The following SLC35H1 variants were observed in gnomAD, a reference collection of about 807,000 sequenced individuals.
SLC35H1 encodes the protein ovarian cancer-overexpressed gene 1 protein.
chr20:46,360,281 G>T, the SLC35H1 span, among the ~76,000 whole-genome samples: 1 of 152,056 alleles, frequency 6.6e-6, no homozygotes, highest in Non-Finnish European at 1.5e-5. Flanking sequence ...GGTCAAAATT[G>T]GTCTCAAAAT....
the SLC35H1 span, among the ~76,000 whole-genome samples, chr20:46,360,614 G>A: frequency 2.0e-5 from 3 of 151,864 alleles, no homozygotes; most frequent in South Asian, 2.1e-4. Context: ...GTATAATCTC[G>A]GCTCACCACA....
chr20:46,352,078 G>A, the SLC35H1 span: 2 of 1,614,078 alleles, frequency 1.2e-6, no homozygotes, highest in Non-Finnish European at 8.5e-7. Flanking sequence ...TGGAGAGAGT[G>A]AGGCTGGAGG....
chr20:46,358,420 G>T, the SLC35H1 span: 2 of 1,614,150 alleles, frequency 1.2e-6, no homozygotes, highest in Admixed American at 1.7e-5. Flanking sequence ...AGGTGATGCC[G>T]ATGGAGAAGC....
chr20:46,352,420 G>T, the SLC35H1 span: 1 of 589,676 alleles, frequency 1.7e-6, no homozygotes. Context: ...GGGAAACCAG[G>T]GAAGCAGTGA....
At chr20:46,352,094 G>T in the SLC35H1 span, 2 of 1,614,224 alleles carry the variant, frequency 1.2e-6, no homozygotes, top group Non-Finnish European at 1.7e-6. Flanking sequence ...GGAGGTTCTG[G>T]AGACCAGGAG....
At chr20:46,362,928 G>A in the SLC35H1 span, among the ~76,000 whole-genome samples, 4 of 152,278 alleles carry the variant, frequency 2.6e-5, no homozygotes, top group South Asian at 2.1e-4. Context: ...CACCATGCCC[G>A]GCTAATTTTG....
chr20:46,351,556 G>A, the SLC35H1 span, among the ~76,000 whole-genome samples: 1 of 152,332 alleles, frequency 6.6e-6, no homozygotes, highest in East Asian at 1.9e-4. Context: ...ACAGGCCTGC[G>A]AGGCAGAGGT....
chr20:46,356,147 G>A, the SLC35H1 span, among the ~76,000 whole-genome samples: 2 of 152,346 alleles, frequency 1.3e-5, no homozygotes, highest in South Asian at 2.1e-4. Context: ...GGAAGGATGA[G>A]AAGTAGGAGG....
the SLC35H1 span, among the ~76,000 whole-genome samples, chr20:46,361,891 T>C: frequency 0.017 from 2,644 of 152,308 alleles, 67 homozygotes; most frequent in African/African-American, 0.06. Context: ...TTCACTCTTC[T>C]GTTAACCAAC....
chr20:46,357,526 G>A, the SLC35H1 span: 1 of 1,401,870 alleles, frequency 7.1e-7, no homozygotes. Flanking sequence ...AGAGGGGAGG[G>A]ACTTGGCTTC....
chr20:46,362,795 T>G, the SLC35H1 span, among the ~76,000 whole-genome samples: 1 of 152,164 alleles, frequency 6.6e-6, no homozygotes, highest in Non-Finnish European at 1.5e-5. Context: ...GTTGTTGTTT[T>G]GAGATGGAGT....
At chr20:46,351,975 G>T in the SLC35H1 span, 2 of 1,473,942 alleles carry the variant, frequency 1.4e-6, no homozygotes, top group East Asian at 4.7e-5. Context: ...GCAGGAGCTG[G>T]GACTGAAGCT....
At chr20:46,358,499 C>A in the SLC35H1 span, 6 of 1,614,078 alleles carry the variant, frequency 3.7e-6, no homozygotes, top group Non-Finnish European at 5.1e-6. Context: ...GAGGGCCCAC[C>A]TCCCCATTCG....
chr20:46,358,929 C>A, the SLC35H1 span: 1 of 626,172 alleles, frequency 1.6e-6, no homozygotes, highest in Non-Finnish European at 2.9e-6. Context: ...TCACCTCAAG[C>A]TATTCTCCAT....
chr20:46,357,518 AG>A, the SLC35H1 span: 1 of 1,332,876 alleles, frequency 7.5e-7, no homozygotes. Flanking sequence ...GTGCAGGAAG[AG>A]GGGAGGGACT....
At chr20:46,358,260 CA>C in the SLC35H1 span, 1 of 902,542 alleles carries the variant, frequency 1.1e-6, no homozygotes, top group Non-Finnish European at 1.8e-6. Context: ...TGTTCCAGCC[CA>C]GCCGTGACTG....
the SLC35H1 span, chr20:46,346,036 C>G: frequency 6.6e-6 from 1 of 152,168 alleles, no homozygotes; most frequent in Admixed American, 6.5e-5. Context: ...CAGCGATCAC[C>G]GGCCAGGGCA....
the SLC35H1 span, chr20:46,350,963 G>A: frequency 2.5e-6 from 4 of 1,573,598 alleles, no homozygotes; most frequent in Non-Finnish European, 3.5e-6. Flanking sequence ...GGTGGAAGGT[G>A]GGGGCACTAG....
the SLC35H1 span, chr20:46,357,641 T>G: frequency 3.7e-6 from 6 of 1,613,804 alleles, no homozygotes; most frequent in East Asian, 1.3e-4. Context: ...GCCACTCTTC[T>G]GAGGTAGTCG....
Sources: allele counts gnomAD v4.1 joint callset (sites outside exome capture counted in the v4.1 genomes callset), GRCh38; gene constraint gnomAD v4.1.1; transcripts MANE v1.5; gene names NCBI Gene and HGNC (gene_info 2026-07-23, HGNC 2026-07-21).